Variants in MYBPHL observed in about 807,000 individuals in gnomAD.
The protein encoded by MYBPHL is myosin-binding protein H-like.
A neutral mutation model predicts 39.5 loss-of-function variants in MYBPHL; 32 were observed. That is an observed-to-expected ratio of 0.81 (90% CI 0.61 to 1.09). MYBPHL has a LOEUF of 1.09. Ranked by LOEUF, MYBPHL falls within the 50% of genes least tolerant of loss-of-function variation. MYBPHL has a pLI of 0.00. For missense variants in MYBPHL, 456 were observed against 460.2 expected (o/e 0.99, Z 0.08); for synonymous variants, 196 against 183.7 (o/e 1.07, Z -0.54).
rs3850615 is a variant in MYBPHL, at chr1:109,297,116, C to A, written c.504G>T (p.Pro168=). The change falls in exon 4 of 9, where the codon CCG becomes CCT. Residue 168 remains proline (P), a synonymous_variant. Coordinates refer to ENST00000357155, the MANE Select transcript of MYBPHL (RefSeq NM_001010985.3). ...GTGCTGTATTCCCCGTATCTTGGGGCGGTGTCCATTCCAGTGTAGCGCTGA... is the reference window on the plus strand; with the variant it reads ...GTGCTGTATTCCCCGTATCTTGGGGAGGTGTCCATTCCAGTGTAGCGCTGA... ...WGFSATLEWT[P]PQDTGNTALL... is the part of the protein sequence containing the mutation. 0.085 allele frequency: 136,802 copies of A among 1,614,004 alleles called. 7,519 individuals are homozygous for A. Among genetic ancestry groups the A allele is most frequent in the African/African-American group, 0.26 (19,828 of 74,932 alleles).
In MYBPHL at chr1:109,296,274, T is replaced by TA. The variant is rs1289503212; in HGVS notation, c.826dup (p.Tyr276LeufsTer2). 2 of 1,613,900 alleles carry TA rather than the reference T, an allele frequency of 1.2e-6. No individual in the cohort carries two copies. Among genetic ancestry groups the TA allele is most frequent in the Non-Finnish European group, 8.5e-7 (1 of 1,179,998 alleles). ...GACACAGCAGAAGAGCTGGGTATTA[T>TA]AGCCGGTGACTGTAGTGCAGTCGGC... On this transcript the variant is annotated frameshift_variant, in exon 6 of 9. Coordinates refer to ENST00000357155, the MANE Select transcript of MYBPHL (RefSeq NM_001010985.3). LOFTEE classifies it high-confidence loss of function.
Position 109,296,282 on chromosome 1 carries a change from G to A in MYBPHL, c.819C>T (p.Val273=). 1 of 1,614,100 alleles carries A rather than the reference G, an allele frequency of 6.2e-7. No homozygotes were observed. The highest frequency in any genetic ancestry group is 1.7e-4 in the Middle Eastern group (1 of 6,056). ...AGAAGAGCTGGGTATTATAGCCGGT[G>A]ACTGTAGTGCAGTCGGCCAGAGGCT... The part of the protein sequence containing the change: ...FTQPLADCTT[V]TGYNTQLFCC... Residue 273 remains valine (V), a synonymous_variant, in exon 6 of 9, where the codon GTC becomes GTT. Coordinates refer to ENST00000357155, the MANE Select transcript of MYBPHL (RefSeq NM_001010985.3).
intron 1 of MYBPHL, among the ~76,000 whole-genome samples, chr1:109,302,470 GA>G (rs1353798605): frequency 6.6e-6 from 1 of 152,054 alleles, no homozygotes; most frequent in Non-Finnish European, 1.5e-5. Flanking sequence ...ACACTTCTCT[GA>G]GGAAAAGACT....
chr1:109,297,515 G>C lies in MYBPHL; in HGVS notation c.337C>G (p.Arg113Gly), dbSNP rs191294010. ...CCTGAGTCAGCACGTTGGGCTTCTC[G>C]GATGAAGAGGATGGAGTCTTGCTCC... is the stretch of plus-strand genomic sequence containing the variant. ...NGEQDSILFI[R>G]EAQRADSGRY... is the part of the protein sequence containing the mutation. Residue 113 changes from arginine to glycine, a missense_variant, in exon 3 of 9, where the codon CGA (arginine) becomes GGA (glycine). Coordinates refer to ENST00000357155, the MANE Select transcript of MYBPHL (RefSeq NM_001010985.3). 1 of 1,613,798 alleles carries C rather than the reference G, an allele frequency of 6.2e-7. No homozygotes were observed.
intron 8 of MYBPHL, among the ~76,000 whole-genome samples, chr1:109,293,612 T>C (rs553095867): frequency 2.0e-4 from 29 of 148,548 alleles, no homozygotes; most frequent in African/African-American, 4.0e-4. Context: ...TGGTGGTGGG[T>C]GCCTGTAGTC....
chr1:109,306,770 C>T, intron 1 of MYBPHL, 77 bp downstream of exon 1: 1 of 1,316,040 alleles, frequency 7.6e-7, no homozygotes, highest in Non-Finnish European at 1.0e-6. Context: ...ACCTGAGGCG[C>T]CGTTCAGGAA....
chr1:109,301,577 C>T (rs933702207), intron 1 of MYBPHL, among the ~76,000 whole-genome samples: 1 of 152,084 alleles, frequency 6.6e-6, no homozygotes, highest in African/African-American at 2.4e-5. Context: ...CCCATCTCTA[C>T]TAAACATACA....
At chr1:109,294,403 A>G (rs947201887) in intron 7 of MYBPHL, among the ~76,000 whole-genome samples, 154 bp from the exon 8 acceptor site, 8 of 152,208 alleles carry the variant, frequency 5.3e-5, no homozygotes, top group Non-Finnish European at 7.3e-5. Context: ...CAGGACATGT[A>G]AGGGCTCATT....
At chr1:109,304,478 C>A (rs182003042) in intron 1 of MYBPHL, among the ~76,000 whole-genome samples, 11 of 152,338 alleles carry the variant, frequency 7.2e-5, no homozygotes, top group African/African-American at 2.4e-4. Flanking sequence ...GGGAACGCCT[C>A]TTTGCTGAGA....
chr1:109,296,196 A>G, intron 6 of MYBPHL, 38 bp downstream of exon 6: 2 of 1,605,404 alleles, frequency 1.2e-6, no homozygotes, highest in Non-Finnish European at 1.7e-6. Context: ...AGGAACAAGA[A>G]GCAGCTCAGC....
chr1:109,300,492 C>T (rs1658241774), intron 1 of MYBPHL, among the ~76,000 whole-genome samples: 1 of 152,188 alleles, frequency 6.6e-6, no homozygotes, highest in Non-Finnish European at 1.5e-5. Context: ...CGCTGAGCCC[C>T]GCCCTGCTGA....
In MYBPHL at chr1:109,296,388, G is replaced by A; in HGVS notation, c.731-18C>T. On this transcript the variant is annotated intron_variant, in intron 5 of 8. Transcript: ENST00000357155. Reference sequence around the variant, plus strand: ...AACAGTAGCTGAGGGCACCAAGAGGGGCTGGCATGTAGCTTCTGAGATCCC... The same window carrying A: ...AACAGTAGCTGAGGGCACCAAGAGGAGCTGGCATGTAGCTTCTGAGATCCC... The A allele has an allele frequency of 6.2e-7, 1 of 1,613,910 alleles. No homozygotes were observed. The highest frequency in any genetic ancestry group is 1.7e-5 in the Admixed American group (1 of 59,926).
At chr1:109,294,475 C>T (rs1657983250) in intron 7 of MYBPHL, among the ~76,000 whole-genome samples, 1 of 152,138 alleles carries the variant, frequency 6.6e-6, no homozygotes, top group Non-Finnish European at 1.5e-5. Context: ...CTGGGCTAGA[C>T]ACTGGGGGGA....
intron 1 of MYBPHL, among the ~76,000 whole-genome samples, chr1:109,302,805 A>G (rs1024732135): frequency 1.3e-5 from 2 of 152,166 alleles, no homozygotes; most frequent in African/African-American, 4.8e-5. Context: ...TAACTGGCCA[A>G]AAAAAATGTA....
intron 1 of MYBPHL, among the ~76,000 whole-genome samples, chr1:109,302,478 G>T (rs1278286): frequency 0.097 from 14,659 of 151,902 alleles, 980 homozygotes; most frequent in Middle Eastern, 0.17. Context: ...CTGAGGAAAA[G>T]ACTCCACCCC....
rs1658118008 is a variant in MYBPHL at position 109,297,408 on chromosome 1, T to G, written c.430+14A>C. ...TCCTGAGGACCCCCCCATCTCCCACTTCCCCCACCGTACCAATCACCAGGA... is the reference window on the plus strand; with the variant it reads ...TCCTGAGGACCCCCCCATCTCCCACGTCCCCCACCGTACCAATCACCAGGA... On this transcript the variant is annotated intron_variant, in intron 3 of 8. Coordinates refer to ENST00000357155, the MANE Select transcript of MYBPHL (RefSeq NM_001010985.3). 1.9e-6 allele frequency: 3 copies of G among 1,605,556 alleles called. No individual in the cohort carries two copies. The highest frequency in any genetic ancestry group is 2.7e-5 in the African/African-American group (2 of 74,732).
intron 1 of MYBPHL, among the ~76,000 whole-genome samples, chr1:109,302,113 G>A (rs1438429582): frequency 1.3e-5 from 2 of 151,870 alleles, no homozygotes; most frequent in Non-Finnish European, 2.9e-5. Flanking sequence ...GTGTATGGGT[G>A]TGTTTACGTG....
At chr1:109,303,821 C>T (rs1179143427) in intron 1 of MYBPHL, among the ~76,000 whole-genome samples, 2 of 152,176 alleles carry the variant, frequency 1.3e-5, no homozygotes, top group African/African-American at 4.8e-5. Flanking sequence ...GGCCGTGCTA[C>T]CTCTCAGACT....
chr1:109,296,772 G>A lies in MYBPHL; in HGVS notation c.730+11C>T, dbSNP rs751280111. The stretch of plus-strand genomic sequence containing the variant: ...AGTCTTCCCAGCTCATGATCCCCAT[G>A]CCTCCCTTACCTGCTTTCTGGATGT... On this transcript the variant is annotated intron_variant, in intron 5 of 8. Transcript: ENST00000357155. The A allele has an allele frequency of 1.9e-6, 3 of 1,614,026 alleles. No homozygotes were observed. Among genetic ancestry groups the A allele is most frequent in the South Asian group, 2.2e-5 (2 of 91,078 alleles).
Sources: allele counts gnomAD v4.1 joint callset (sites outside exome capture counted in the v4.1 genomes callset), GRCh38; gene constraint gnomAD v4.1.1; transcripts MANE v1.5; gene names NCBI Gene and HGNC (gene_info 2026-07-23, HGNC 2026-07-21).